MICAL3: variants seen among roughly 807,000 people sequenced by gnomAD.
MICAL3 encodes the protein [F-actin]-monooxygenase MICAL3.
In MICAL3, 62 loss-of-function variants were observed where a neutral mutation model predicts 207.4. That is an observed-to-expected ratio of 0.30 (90% CI 0.24 to 0.37). MICAL3 has a LOEUF of 0.37. Ranked by LOEUF, MICAL3 falls within the 10% of genes least tolerant of loss-of-function variation. The pLI, the probability that MICAL3 is intolerant of heterozygous loss-of-function variation, is 1.00. For missense variants in MICAL3, 2,368 were observed against 2,635.6 expected (o/e 0.90, Z 2.22); for synonymous variants, 1,077 against 1,069.3 (o/e 1.01, Z -0.14).
At chr22:17,906,119 G>A (rs183918361) in intron 2 of MICAL3, among the ~76,000 whole-genome samples, 17 of 152,274 alleles carry the variant, frequency 1.1e-4, no homozygotes, top group African/African-American at 3.6e-4. Flanking sequence ...TCCGAACCAC[G>A]TGAGGTTCAA....
intron 29 of MICAL3, among the ~76,000 whole-genome samples, chr22:17,798,070 A>G (rs2061895838): frequency 6.6e-6 from 1 of 152,226 alleles, no homozygotes; most frequent in African/African-American, 2.4e-5. Flanking sequence ...CCCAGCCTGG[A>G]ATGCTGCATT....
intron 1 of MICAL3, among the ~76,000 whole-genome samples, chr22:17,940,376 G>T (rs1187990017): frequency 6.6e-6 from 1 of 152,154 alleles, no homozygotes; most frequent in Non-Finnish European, 1.5e-5. Context: ...TTGCACTCCA[G>T]CCTGGGTGAC....
At chr22:17,812,678 A>G (rs1332631752) in intron 27 of MICAL3, 3 of 319,808 alleles carry the variant, frequency 9.4e-6, no homozygotes, top group Admixed American at 6.5e-5. Context: ...ACAAACACAC[A>G]AGACTTAAAA....
chr22:17,886,889 G>T (rs1467720169), intron 15 of MICAL3, among the ~76,000 whole-genome samples: 2 of 149,010 alleles, frequency 1.3e-5, no homozygotes, highest in Admixed American at 1.3e-4. Context: ...GGCTGAGGCA[G>T]GAGAATTGCT....
At chr22:17,834,543 C>T in intron 20 of MICAL3, 1 of 1,164,730 alleles carries the variant, frequency 8.6e-7, no homozygotes, top group Non-Finnish European at 1.1e-6. Context: ...ATGGGGAGAC[C>T]CAGTCTCTAC....
At chr22:17,886,099 C>T in intron 15 of MICAL3, 48 bp from the exon 16 acceptor site, 4 of 1,596,204 alleles carry the variant, frequency 2.5e-6, no homozygotes, top group Non-Finnish European at 3.4e-6. Flanking sequence ...CAGGAGGCTC[C>T]CCCCATGCCC....
intron 25 of MICAL3, among the ~76,000 whole-genome samples, chr22:17,819,942 CAAAAAAAAAA>C (rs58418733): frequency 0.069 from 4,645 of 67,550 alleles, 263 homozygotes; most frequent in African/African-American, 0.21. Flanking sequence ...GACTCCATCT[CAAAAAAAAAA>C]AAAAAAAAAA....
At chr22:17,998,701 C>T (rs185978928) in intron 1 of MICAL3, among the ~76,000 whole-genome samples, 54 of 152,080 alleles carry the variant, frequency 3.6e-4, no homozygotes, top group Non-Finnish European at 6.9e-4. Context: ...GCTGGGATTA[C>T]AGGCGCGCAC....
At chr22:17,929,550 T>C (rs1449522503) in intron 1 of MICAL3, among the ~76,000 whole-genome samples, 4 of 140,546 alleles carry the variant, frequency 2.8e-5, no homozygotes, top group Non-Finnish European at 6.1e-5. Context: ...TTCATTTTTC[T>C]TTCTTTCCTT....
chr22:17,998,356 C>T (rs5992953), intron 1 of MICAL3, among the ~76,000 whole-genome samples: 5,131 of 86,750 alleles, frequency 0.059, 119 homozygotes, highest in African/African-American at 0.12. Context: ...CAGGGACCAA[C>T]TCATTTGCAA....
In MICAL3 at chr22:17,818,445, AC is replaced by A. The variant is rs747231443; in HGVS notation, c.4215del (p.Ser1406ProfsTer32). ...CTGCGTAGCTCTCTGTCGGACGGGGACCGGGGGGTTGGCAGGGACAACGGCT... is the reference window on the plus strand; with the variant it reads ...CTGCGTAGCTCTCTGTCGGACGGGGACGGGGGGTTGGCAGGGACAACGGCT... ...EGEPLSLPTP[R>X]SPSDRELRSA... is the part of the protein sequence containing the mutation. On this transcript the variant is annotated frameshift_variant, in exon 26 of 32. Coordinates refer to ENST00000441493, the MANE Select transcript of MICAL3 (RefSeq NM_015241.3). LOFTEE classifies it high-confidence loss of function. 1 of 1,612,640 alleles carries A rather than the reference AC, an allele frequency of 6.2e-7. No homozygotes were observed. The highest frequency in any genetic ancestry group is 2.2e-5 in the East Asian group (1 of 44,880).
intron 1 of MICAL3, among the ~76,000 whole-genome samples, chr22:17,993,833 C>A (rs7284884): frequency 1.3e-5 from 2 of 151,266 alleles, no homozygotes; most frequent in African/African-American, 2.5e-5. Flanking sequence ...AGACAGGAAG[C>A]GGTGACCCCC....
At position 17,881,157 on chromosome 22, in the gene MICAL3, C is replaced by T. The variant is rs763272670; in HGVS notation, c.2241+4721G>A. On this transcript the variant is annotated intron_variant, in intron 16 of 31. Transcript: ENST00000441493. ...TCTCTACACTAGCCACCTACACAGA[C>T]AGGCAGGCAGACAGAGACAGGAACA... The T allele has an allele frequency of 2.0e-5, 29 of 1,477,320 alleles. No individual in the cohort carries two copies. The South Asian group carries it at 3.2e-4, about 16-fold the overall frequency. 91.5% of individuals were successfully genotyped at this position (1,477,320 alleles called of 1,614,324 possible).
In MICAL3 at chr22:17,851,737, C is replaced by A. The variant is rs114298973; in HGVS notation, c.2606-9720G>T. Among the ~76,000 whole-genome samples, 455 of 152,328 alleles carry A rather than the reference C, an allele frequency of 3.0e-3. 2 individuals are homozygous for A. The highest frequency in any genetic ancestry group is 0.011 in the African/African-American group (437 of 41,568). On this transcript the variant is annotated intron_variant, in intron 19 of 31. Transcript: ENST00000441493. ...TCTACCAAGACGGCAAGAGTTCTCA[C>A]AGCACTCAGGAGAGAAATTCTGACG...
intron 1 of MICAL3, among the ~76,000 whole-genome samples, chr22:17,954,060 GGT>G (rs1170309638): frequency 1.3e-5 from 2 of 151,912 alleles, no homozygotes; most frequent in African/African-American, 4.8e-5. Context: ...AAATATATGA[GGT>G]GAGAGAGATG....
intron 12 of MICAL3, 146 bp from the exon 13 acceptor site, chr22:17,889,376 T>C: frequency 1.9e-6 from 1 of 531,380 alleles, no homozygotes; most frequent in Non-Finnish European, 3.3e-6. Flanking sequence ...CAAACCTGTC[T>C]TATCTCACCT....
chr22:17,951,069 T>C (rs575852896), intron 1 of MICAL3, among the ~76,000 whole-genome samples: 6 of 152,344 alleles, frequency 3.9e-5, no homozygotes, highest in African/African-American at 1.4e-4. Flanking sequence ...ACTGGGCATC[T>C]GGTGATGTGG....
At chr22:17,821,590 G>T in intron 24 of MICAL3, 81 bp from the exon 25 acceptor site, 1 of 1,173,766 alleles carries the variant, frequency 8.5e-7, no homozygotes, top group Non-Finnish European at 1.2e-6. Flanking sequence ...CAGCCCCAGA[G>T]GGTGGAGGGG....
intron 29 of MICAL3, among the ~76,000 whole-genome samples, chr22:17,808,262 CA>C (rs1188153924): frequency 2.0e-5 from 3 of 152,398 alleles, no homozygotes; most frequent in African/African-American, 7.2e-5. Context: ...GAGTCTGCTC[CA>C]CGTCGGCTGG....
Sources: allele counts gnomAD v4.1 joint callset (sites outside exome capture counted in the v4.1 genomes callset), GRCh38; gene constraint gnomAD v4.1.1; transcripts MANE v1.5; gene names NCBI Gene and HGNC (gene_info 2026-07-23, HGNC 2026-07-21).